The following ZNF469 variants were observed in gnomAD, a reference collection of about 807,000 sequenced individuals.
ZNF469 encodes the protein zinc finger protein 469.
Under a neutral mutation model 1.0 loss-of-function variants are expected in ZNF469, and 1 was observed. That is an observed-to-expected ratio of 1.00 (90% CI 0.35 to 4.73). The LOEUF (loss-of-function observed/expected upper bound fraction) is 4.73. Ranked by LOEUF, ZNF469 falls within the 30% of genes most tolerant of loss-of-function variation. The pLI, the probability that ZNF469 is intolerant of heterozygous loss-of-function variation, is 0.16. For missense variants in ZNF469, 6,100 were observed against 5,356.3 expected (o/e 1.14, Z -4.33); for synonymous variants, 2,703 against 2,363.4 (o/e 1.14, Z -4.17).
chr16:88,131,885 C>A, the ZNF469 span, among the ~76,000 whole-genome samples: 1 of 151,952 alleles, frequency 6.6e-6, no homozygotes, highest in African/African-American at 2.4e-5. Context: ...GCTTGGGGCG[C>A]CCACCTGCCC....
chr16:88,242,127 C>G, the ZNF469 span, among the ~76,000 whole-genome samples: 1 of 152,180 alleles, frequency 6.6e-6, no homozygotes, highest in Non-Finnish European at 1.5e-5. Context: ...CCCAAGCCAT[C>G]CTTCAGGAAA....
chr16:88,221,763 C>T, the ZNF469 span, among the ~76,000 whole-genome samples: 1 of 152,230 alleles, frequency 6.6e-6, no homozygotes, highest in Non-Finnish European at 1.5e-5. Flanking sequence ...CTGACTCCTT[C>T]TGGGGTCTCC....
chr16:88,235,095 C>A, the ZNF469 span, among the ~76,000 whole-genome samples: 2 of 152,122 alleles, frequency 1.3e-5, no homozygotes, highest in African/African-American at 2.4e-5. Context: ...CTTGGGAAGG[C>A]CCGGCGCTGG....
Position 88,430,912 on chromosome 16 carries a change from G to C in ZNF469, c.3442G>C (p.Gly1148Arg), listed in dbSNP as rs1350329060. 2.6e-6 allele frequency: 4 copies of C among 1,537,372 alleles called. No homozygotes were observed. The highest frequency in any genetic ancestry group is 2.0e-5 in the Admixed American group (1 of 50,828). Residue 1148 changes from glycine to arginine, a missense_variant, in exon 3 of 3, where the codon GGG (glycine) becomes CGG (arginine). Gly to Arg is a moderately radical substitution (Grantham distance 125). Coordinates refer to ENST00000565624, the MANE Select transcript of ZNF469 (RefSeq NM_001367624.2). ...PRKAARQEAGGDGAPANPEEP... is the reference protein window; with the variant it reads ...PRKAARQEAGRDGAPANPEEP... The stretch of plus-strand genomic sequence containing the variant: ...GAAGGCGGCGAGGCAGGAAGCCGGC[G>C]GGGACGGAGCCCCCGCGAACCCCGA...
the ZNF469 span, among the ~76,000 whole-genome samples, chr16:88,292,907 C>G: frequency 6.6e-6 from 1 of 151,836 alleles, no homozygotes; most frequent in African/African-American, 2.4e-5. Context: ...GTCCGCTAGA[C>G]AGTCTCTCTG....
the ZNF469 span, among the ~76,000 whole-genome samples, chr16:88,337,488 CG>C: frequency 1.3e-5 from 2 of 152,212 alleles, no homozygotes; most frequent in African/African-American, 4.8e-5. Context: ...AGTGTGAGAA[CG>C]GACTAATACA....
upstream of ZNF469, among the ~76,000 whole-genome samples, chr16:88,382,714 T>C (rs1274117924): frequency 6.6e-6 from 1 of 152,206 alleles, no homozygotes; most frequent in African/African-American, 2.4e-5. Context: ...GGTAGCATTA[T>C]GGCAGACGTT....
rs550176820 is a variant in ZNF469, at chr16:88,429,738, C to T, written c.2268C>T (p.Leu756=). The T allele has an allele frequency of 1.0e-5, 16 of 1,544,818 alleles. No homozygotes were observed. The African/African-American group carries it at 1.9e-4, about 18-fold the overall frequency. ...FLAHRQFCGL[L]LARAKDGHQR... ...CCCACCGGCAGTTCTGTGGCCTGCT[C>T]CTGGCCAGGGCCAAGGATGGCCACC... Residue 756 remains leucine (L), a synonymous_variant, in exon 3 of 3, where the codon CTC becomes CTT. Coordinates refer to ENST00000565624, the MANE Select transcript of ZNF469 (RefSeq NM_001367624.2).
chr16:88,398,478 G>A (rs545340255), intron 1 of ZNF469, among the ~76,000 whole-genome samples: 183 of 151,334 alleles, frequency 1.2e-3, no homozygotes, highest in African/African-American at 4.1e-3. Context: ...CGTGAGCCAC[G>A]GATGAAGGGG....
At chr16:88,197,675 T>C in the ZNF469 span, among the ~76,000 whole-genome samples, 71,646 of 152,080 alleles carry the variant, frequency 0.47, 19,206 homozygotes, top group Non-Finnish European at 0.59. Context: ...TACGATGGTG[T>C]GGGCCTTGTG....
chr16:88,239,697 ATATATATATATATATATATTTT>A, the ZNF469 span, among the ~76,000 whole-genome samples: 3 of 6,576 alleles, frequency 4.6e-4, no homozygotes, highest in African/African-American at 8.0e-4. Context: ...ATATATATAT[ATATATATATATATATATATTTT>A]TTTTTTTTTT....
At chr16:88,186,796 C>T in the ZNF469 span, among the ~76,000 whole-genome samples, 1 of 152,212 alleles carries the variant, frequency 6.6e-6, no homozygotes, top group Non-Finnish European at 1.5e-5. Context: ...GGGAGGGCTC[C>T]GGCATCCAGG....
chr16:88,351,396 G>A, the ZNF469 span, among the ~76,000 whole-genome samples: 22 of 152,246 alleles, frequency 1.4e-4, no homozygotes, highest in East Asian at 3.9e-4. Flanking sequence ...GGATGAGGAC[G>A]TTAAATTCAG....
the ZNF469 span, among the ~76,000 whole-genome samples, chr16:88,153,378 G>A: frequency 4.6e-5 from 7 of 152,192 alleles, no homozygotes; most frequent in Non-Finnish European, 8.8e-5. Context: ...AAGAGTCTCC[G>A]TTGTCTCTTC....
At chr16:88,386,912 C>T (rs1904345166) in intron 1 of ZNF469, among the ~76,000 whole-genome samples, 1 of 152,172 alleles carries the variant, frequency 6.6e-6, no homozygotes, top group Non-Finnish European at 1.5e-5. Context: ...CATCATTTGC[C>T]AGTGGTCATG....
the ZNF469 span, among the ~76,000 whole-genome samples, chr16:88,197,701 C>T: frequency 6.6e-6 from 1 of 152,198 alleles, no homozygotes; most frequent in African/African-American, 2.4e-5. Context: ...GCAGTCACAG[C>T]GTCCGTGGGG....
chr16:88,131,126 T>C, the ZNF469 span, among the ~76,000 whole-genome samples: 120,489 of 152,114 alleles, frequency 0.79, 48,907 homozygotes, highest in Non-Finnish European at 0.93. Context: ...TGGAAATCAA[T>C]TGCTTTGGAA....
At chr16:88,292,819 A>AAG in the ZNF469 span, among the ~76,000 whole-genome samples, 2 of 147,854 alleles carry the variant, frequency 1.4e-5, no homozygotes, top group South Asian at 2.2e-4. Flanking sequence ...AAAAAAAAAA[A>AAG]CCTCTAACAG....
At chr16:88,243,951 T>A in the ZNF469 span, among the ~76,000 whole-genome samples, 189 of 120,720 alleles carry the variant, frequency 1.6e-3, 3 homozygotes, top group African/African-American at 2.9e-3. Context: ...TATATATATA[T>A]AAATGTATGT....
Sources: gnomAD v4.1 joint callset for allele counts (sites outside exome capture counted in the v4.1 genomes callset) on GRCh38, gnomAD v4.1.1 for gene constraint, MANE v1.5 for transcripts, NCBI Gene and HGNC (gene_info 2026-07-23, HGNC 2026-07-21) for gene names.